Variants in LGR5 observed in about 807,000 individuals in gnomAD.
LGR5 encodes the protein leucine-rich repeat-containing G protein-coupled receptor 5.
LGR5 carries 54 observed loss-of-function variants against 76.7 expected under a neutral mutation model. The ratio of observed to expected loss-of-function variants is 0.70; its 90% CI spans 0.57 to 0.88. LGR5 has a LOEUF of 0.88. LGR5 is among the 40% of genes least tolerant of loss of function. LGR5 has a pLI of 0.00. For missense variants in LGR5, 1,078 were observed against 1,073.3 expected (o/e 1.00, Z -0.06); for synonymous variants, 406 against 421.9 (o/e 0.96, Z 0.46).
intron 7 of LGR5, 68 bp downstream of exon 7, chr12:71,559,722 G>T: frequency 1.1e-6 from 1 of 873,330 alleles, no homozygotes; most frequent in South Asian, 1.5e-5. Flanking sequence ...AAATACATGT[G>T]ATTGTTTTAC....
chr12:71,443,772 A>AATATACTT (rs1871867489), intron 1 of LGR5, among the ~76,000 whole-genome samples: 2 of 152,128 alleles, frequency 1.3e-5, no homozygotes, highest in Admixed American at 1.3e-4. Flanking sequence ...TAATATAATA[A>AATATACTT]ATATACTTTT....
At chr12:71,444,900 T>C (rs74101822) in intron 1 of LGR5, among the ~76,000 whole-genome samples, 3,559 of 152,296 alleles carry the variant, frequency 0.023, 134 homozygotes, top group African/African-American at 0.082. Flanking sequence ...AGAATATTTA[T>C]AATTTTATAA....
At chr12:71,515,436 C>G (rs1044911438) in intron 2 of LGR5, among the ~76,000 whole-genome samples, 1 of 152,084 alleles carries the variant, frequency 6.6e-6, no homozygotes, top group Non-Finnish European at 1.5e-5. Flanking sequence ...GAATAAAAGA[C>G]TTTTCAGAAA....
intron 4 of LGR5, among the ~76,000 whole-genome samples, chr12:71,550,341 G>A (rs1187392437): frequency 6.6e-6 from 1 of 150,640 alleles, no homozygotes; most frequent in Non-Finnish European, 1.5e-5. Flanking sequence ...GGTAGAGATG[G>A]GGTTTCACCG....
chr12:71,521,852 A>T (rs1875742288), intron 2 of LGR5, among the ~76,000 whole-genome samples: 1 of 152,232 alleles, frequency 6.6e-6, no homozygotes, highest in Non-Finnish European at 1.5e-5. Flanking sequence ...GTGTCATAAG[A>T]CAAGTACACA....
chr12:71,558,361 C>T (rs1300175428), intron 6 of LGR5, among the ~76,000 whole-genome samples: 1 of 151,944 alleles, frequency 6.6e-6, no homozygotes, highest in Non-Finnish European at 1.5e-5. Context: ...TAACATAGAG[C>T]AAAACATGTC....
chr12:71,448,846 CTTTAT>C (rs1467384980), intron 1 of LGR5: 1 of 152,218 alleles, frequency 6.6e-6, no homozygotes. Context: ...GGATCTTCCT[CTTTAT>C]TTTGTCTTTG....
At chr12:71,480,200 CTAAAAAT>C (rs1352379214) in intron 1 of LGR5, among the ~76,000 whole-genome samples, 1 of 151,898 alleles carries the variant, frequency 6.6e-6, no homozygotes, top group African/African-American at 2.4e-5. Flanking sequence ...CCCGTCTCTA[CTAAAAAT>C]ACAAAAATTA....
At chr12:71,519,755 G>A (rs541599124) in intron 2 of LGR5, among the ~76,000 whole-genome samples, 1 of 152,146 alleles carries the variant, frequency 6.6e-6, no homozygotes, top group South Asian at 2.1e-4. Flanking sequence ...GAGCTTGGGA[G>A]GCAAGGTTGC....
At chr12:71,523,926 G>C (rs927010438) in intron 2 of LGR5, among the ~76,000 whole-genome samples, 1 of 152,084 alleles carries the variant, frequency 6.6e-6, no homozygotes, top group Non-Finnish European at 1.5e-5. Flanking sequence ...AGAAAAAATT[G>C]ATTGTGATAG....
At position 71,583,674 on chromosome 12, in the gene LGR5, T is replaced by C; in HGVS notation, c.1664T>C (p.Leu555Pro). Residue 555 changes from leucine to proline, a missense_variant, in exon 18 of 18, where the codon CTT becomes CCT. Transcript: ENST00000266674. ...CCCTTCAAACCCTGTGAACACCTGC[T>C]TGATGGCTGGCTGATCAGAATTGGA... ...PGPFKPCEHL[L>P]DGWLIRIGVW... The C allele has an allele frequency of 1.9e-6, 3 of 1,613,820 alleles. No homozygotes were observed. The highest frequency in any genetic ancestry group is 2.5e-6 in the Non-Finnish European group (3 of 1,179,764).
At chr12:71,559,193 G>C (rs1296948896) in intron 6 of LGR5, among the ~76,000 whole-genome samples, 1 of 152,134 alleles carries the variant, frequency 6.6e-6, no homozygotes, top group Non-Finnish European at 1.5e-5. Flanking sequence ...TGTGATCCAG[G>C]AGCCCTGAGG....
At position 71,584,127 on chromosome 12, in the gene LGR5, A is replaced by G. The variant is rs1171880458; in HGVS notation, c.2117A>G (p.Tyr706Cys). The G allele has an allele frequency of 3.7e-6, 6 of 1,614,176 alleles. No individual in the cohort carries two copies. The highest frequency in any genetic ancestry group is 5.1e-6 in the Non-Finnish European group (6 of 1,180,034). The change falls in exon 18 of 18, where the codon TAT becomes TGT. Residue 706 changes from tyrosine (Y) to cysteine (C), a missense_variant. By Grantham distance (194) the Tyr-to-Cys change is radical. Transcript: ENST00000266674. ...AAVPLLGGSK[Y>C]GASPLCLPLP... ...GTTCCCCTGCTGGGTGGCAGCAAGT[A>G]TGGCGCCTCCCCTCTCTGCCTGCCT... is the stretch of plus-strand genomic sequence containing the variant.
intron 3 of LGR5, among the ~76,000 whole-genome samples, chr12:71,530,765 A>G (rs1238530354): frequency 6.6e-6 from 1 of 152,174 alleles, no homozygotes; most frequent in Non-Finnish European, 1.5e-5. Flanking sequence ...CCAAAGCCAC[A>G]TGGAGGTGAT....
At chr12:71,572,320 G>C (rs1249442113) in intron 12 of LGR5, among the ~76,000 whole-genome samples, 2 of 152,244 alleles carry the variant, frequency 1.3e-5, no homozygotes, top group South Asian at 4.1e-4. Flanking sequence ...CTGACCTCAT[G>C]ACCTGCCCAT....
intron 1 of LGR5, among the ~76,000 whole-genome samples, chr12:71,488,594 C>T (rs1048436853): frequency 6.6e-6 from 1 of 152,178 alleles, no homozygotes; most frequent in African/African-American, 2.4e-5. Context: ...TGGCAAAATG[C>T]ATCAATGTTT....
chr12:71,512,464 C>T (rs992043440), intron 2 of LGR5, among the ~76,000 whole-genome samples: 6 of 152,166 alleles, frequency 3.9e-5, no homozygotes, highest in Non-Finnish European at 1.5e-5. Context: ...TTAGAATCGC[C>T]TAGCACACTT....
chr12:71,468,881 ACT>A (rs1331710940), intron 1 of LGR5, among the ~76,000 whole-genome samples: 2 of 151,538 alleles, frequency 1.3e-5, no homozygotes, highest in Non-Finnish European at 2.9e-5. Flanking sequence ...AATTAGATAA[ACT>A]CTTGCCAAAC....
chr12:71,577,167 G>T lies in LGR5; in HGVS notation c.1209-758G>T, dbSNP rs980404988. 5.3e-5 allele frequency among the ~76,000 whole-genome samples: 8 copies of T among 152,234 alleles called. 1 individual carries two copies. Among genetic ancestry groups the T allele is most frequent in the Admixed American group, 1.3e-4 (2 of 15,292 alleles). ...AGTTCTCTCAAATGCCTACATCTTA[G>T]TTACCATTGTTAGTCATTTACAAAA... On this transcript the variant is annotated intron_variant, in intron 13 of 17. Transcript: ENST00000266674.
Sources: gnomAD v4.1 joint callset for allele counts (sites outside exome capture counted in the v4.1 genomes callset) on GRCh38, gnomAD v4.1.1 for gene constraint, MANE v1.5 for transcripts, NCBI Gene and HGNC (gene_info 2026-07-23, HGNC 2026-07-21) for gene names.